The following ZEB1 variants were observed in gnomAD, a reference collection of about 807,000 sequenced individuals.
ZEB1 encodes zinc finger E-box-binding homeobox 1.
A neutral mutation model predicts 84.9 loss-of-function variants in ZEB1; 21 were observed. The observed-to-expected ratio is 0.25, with a 90% CI of 0.18 to 0.36. ZEB1 has a LOEUF of 0.36. Ranked by LOEUF, ZEB1 falls within the 10% of genes least tolerant of loss-of-function variation. ZEB1 has a pLI of 1.00. For synonymous variants in ZEB1, 420 were observed against 471.1 expected (o/e 0.89, Z 1.41); for missense variants, 1,104 against 1,330.2 (o/e 0.83, Z 2.65).
intron 1 of ZEB1, among the ~76,000 whole-genome samples, chr10:31,392,780 A>AT (rs1270492259): frequency 3.3e-5 from 5 of 151,424 alleles, no homozygotes; most frequent in African/African-American, 1.2e-4. Flanking sequence ...ACATATATAT[A>AT]AATGTAAAAT....
At chr10:31,466,519 CAAA>C (rs1347964402) in intron 2 of ZEB1, among the ~76,000 whole-genome samples, 1 of 151,806 alleles carries the variant, frequency 6.6e-6, no homozygotes, top group Non-Finnish European at 1.5e-5. Flanking sequence ...AACCAAAGGT[CAAA>C]GAAGAAATGA....
At chr10:31,360,452 C>A (rs1290950122) in intron 1 of ZEB1, among the ~76,000 whole-genome samples, 2 of 152,062 alleles carry the variant, frequency 1.3e-5, no homozygotes, top group Non-Finnish European at 2.9e-5. Flanking sequence ...AGATAAATGA[C>A]CCACTTACTT....
chr10:31,446,700 A>T (rs2059827640), intron 1 of ZEB1, among the ~76,000 whole-genome samples: 1 of 152,044 alleles, frequency 6.6e-6, no homozygotes, highest in Non-Finnish European at 1.5e-5. Flanking sequence ...CAGGTTGTTC[A>T]GTTTCCATGT....
intron 1 of ZEB1, among the ~76,000 whole-genome samples, chr10:31,357,977 C>G (rs180713913): frequency 6.6e-6 from 1 of 152,272 alleles, no homozygotes; most frequent in African/African-American, 2.4e-5. Context: ...TTGGCGTTCT[C>G]ATGGGCAATA....
chr10:31,321,356 A>C (rs1250544629), intron 1 of ZEB1: 1 of 1,496,410 alleles, frequency 6.7e-7, no homozygotes, highest in Non-Finnish European at 8.9e-7. Context: ...TTGCATTTTA[A>C]AGACGTCTGT....
At chr10:31,390,636 C>CA (rs1205987908) in intron 1 of ZEB1, among the ~76,000 whole-genome samples, 1 of 152,096 alleles carries the variant, frequency 6.6e-6, no homozygotes, top group African/African-American at 2.4e-5. Context: ...TTGGCCATTT[C>CA]AAGGTATTTT....
chr10:31,448,906 G>A (rs1044274895), intron 1 of ZEB1, among the ~76,000 whole-genome samples: 8 of 152,158 alleles, frequency 5.3e-5, no homozygotes, highest in South Asian at 4.1e-4. Flanking sequence ...GCCTACAGAG[G>A]CAGGCAGGCC....
At chr10:31,502,607 T>C (rs1591921682) in intron 4 of ZEB1, 98 bp downstream of exon 4, 2 of 1,501,354 alleles carry the variant, frequency 1.3e-6, no homozygotes, top group East Asian at 4.5e-5. Flanking sequence ...GGGAACATTC[T>C]TGAAGACCAA....
chr10:31,520,617 G>A lies in ZEB1; in HGVS notation c.1285G>A (p.Val429Met). ...VAVDGNVIRQVLENNQANLAS... is the reference protein window; with the variant it reads ...VAVDGNVIRQMLENNQANLAS... ...GGTAGATGGTAATGTAATAAGGCAA[G>A]TGTTGGAGAATAATCAAGCCAATCT... The change falls in exon 7 of 9, where the codon GTG becomes ATG. Residue 429 changes from valine to methionine, a missense_variant. Physicochemically the swap from Val to Met is conservative, Grantham distance 21. Transcript: ENST00000424869. This position sits in a 1 kb window ranked among gnomAD's most constrained non-coding sequence, Gnocchi z 5.1. 6.2e-7 allele frequency: 1 copy of A among 1,613,990 alleles called. No individual in the cohort carries two copies. The highest frequency in any genetic ancestry group is 8.5e-7 in the Non-Finnish European group (1 of 1,179,978).
Position 31,527,184 on chromosome 10 carries a change from G to C in ZEB1, c.3298G>C (p.Glu1100Gln). 2 of 1,611,688 alleles carry C rather than the reference G, an allele frequency of 1.2e-6. No individual in the cohort carries two copies. Among genetic ancestry groups the C allele is most frequent in the Non-Finnish European group, 1.7e-6 (2 of 1,178,812 alleles). The change falls in exon 9 of 9, where the codon GAA (glutamate) becomes CAA (glutamine). Residue 1100 changes from glutamate to glutamine, a missense_variant. This residue lies in a region of ZEB1 where 173 missense variants were observed against 167.0 expected (regional missense o/e 1.04). Coordinates refer to ENST00000424869, the MANE Select transcript of ZEB1 (RefSeq NM_001174096.2). ...TEGLMKDDRA[E>Q]SQASSLGQKV... ...AGGTCTGATGAAGGATGACAGGGCT[G>C]AAAGTCAAGCAAGCAGCTTAGGACA...
intron 1 of ZEB1, among the ~76,000 whole-genome samples, chr10:31,394,228 A>G (rs1002536778): frequency 6.6e-6 from 1 of 152,236 alleles, no homozygotes; most frequent in Non-Finnish European, 1.5e-5. Context: ...TGTAAGAGTC[A>G]TAAAGGAAGA....
intron 1 of ZEB1, among the ~76,000 whole-genome samples, chr10:31,460,622 C>A (rs2061703594): frequency 6.6e-6 from 1 of 152,092 alleles, no homozygotes; most frequent in Non-Finnish European, 1.5e-5. Flanking sequence ...AATATGGAAT[C>A]AGACTGTTGC....
intron 1 of ZEB1, among the ~76,000 whole-genome samples, chr10:31,392,842 T>G (rs556372651): frequency 6.6e-6 from 1 of 151,912 alleles, no homozygotes; most frequent in South Asian, 2.1e-4. Context: ...TATATATTTT[T>G]TTGTTTGTTT....
At chr10:31,458,317 G>GTGTGTGTGTGTGTGTGTGT (rs929204165) in intron 1 of ZEB1, among the ~76,000 whole-genome samples, 1 of 121,458 alleles carries the variant, frequency 8.2e-6, no homozygotes, top group Non-Finnish European at 1.5e-5. Context: ...CATTCCGTGT[G>GTGTGTGTGTGTGTGTGTGT]TGTGTGTGTG....
intron 1 of ZEB1, among the ~76,000 whole-genome samples, chr10:31,336,368 C>G (rs1479037318): frequency 6.6e-6 from 1 of 151,988 alleles, no homozygotes; most frequent in Admixed American, 6.6e-5. Context: ...TGGACTGCTG[C>G]CTCACACTAT....
chr10:31,430,246 C>T (rs73260098), intron 1 of ZEB1, among the ~76,000 whole-genome samples: 2,358 of 152,170 alleles, frequency 0.015, 57 homozygotes, highest in African/African-American at 0.053. Context: ...TCAGGGTAAA[C>T]TGTGTGTGTT....
intron 1 of ZEB1, among the ~76,000 whole-genome samples, chr10:31,418,499 C>T (rs1591058884): frequency 6.6e-6 from 1 of 151,930 alleles, no homozygotes; most frequent in South Asian, 2.1e-4. Flanking sequence ...CAGTAGAATT[C>T]TTAAGAATTT....
At chr10:31,465,736 C>G (rs527623732) in intron 2 of ZEB1, among the ~76,000 whole-genome samples, 1 of 151,870 alleles carries the variant, frequency 6.6e-6, no homozygotes, top group African/African-American at 2.4e-5. Context: ...GCTTTAGTCT[C>G]CTAAGTAGCT....
chr10:31,346,173 G>A (rs1284891919), intron 1 of ZEB1, among the ~76,000 whole-genome samples: 1 of 152,184 alleles, frequency 6.6e-6, no homozygotes, highest in African/African-American at 2.4e-5. Flanking sequence ...TTTGTTCACT[G>A]TAGCTCATCT....
Sources: allele counts gnomAD v4.1 joint callset (sites outside exome capture counted in the v4.1 genomes callset), GRCh38; gene constraint gnomAD v4.1.1; regional missense constraint gnomAD v4.1.1; non-coding constraint Gnocchi (gnomAD v3.1); transcripts MANE v1.5; gene names NCBI Gene and HGNC (gene_info 2026-07-23, HGNC 2026-07-21).